The following RASL10B variants were observed in gnomAD, a reference collection of about 807,000 sequenced individuals.
The protein encoded by RASL10B is RAS like family 10 member B, also known as ras-like protein family member 10B.
In RASL10B, 10 loss-of-function variants were observed where a neutral mutation model predicts 20.7. That is an observed-to-expected ratio of 0.48 (90% CI 0.30 to 0.82). RASL10B has a LOEUF of 0.82. RASL10B is among the 40% of genes least tolerant of loss of function. The pLI, the probability that RASL10B is intolerant of heterozygous loss-of-function variation, is 0.07. For missense variants in RASL10B, 231 were observed against 295.4 expected (o/e 0.78, Z 1.60); for synonymous variants, 110 against 123.3 (o/e 0.89, Z 0.72).
At chr17:35,736,414 C>G (rs953764121) in intron 2 of RASL10B, among the ~76,000 whole-genome samples, 15 of 152,234 alleles carry the variant, frequency 9.9e-5, no homozygotes, top group African/African-American at 3.6e-4. Flanking sequence ...CAGCTCAGCA[C>G]TCAGCACTCT....
In RASL10B at chr17:35,735,283, C is replaced by A; in HGVS notation, c.99C>A (p.Cys33Ter). 6.2e-7 allele frequency: 1 copy of A among 1,613,860 alleles called. No individual in the cohort carries two copies. Among genetic ancestry groups the A allele is most frequent in the Non-Finnish European group, 8.5e-7 (1 of 1,180,034 alleles). Residue 33 changes from cysteine to a stop codon, truncating the protein, a stop_gained, in exon 2 of 4, where the codon TGC becomes TGA. Transcript: ENST00000603017. LOFTEE classifies it high-confidence loss of function. The surrounding 1 kb of genome is among the most constrained non-coding windows in gnomAD (Gnocchi z 6.7). ...QFLYNEFSEV[C>*]VPTTARRLYL... ...TGTACAACGAGTTCAGCGAGGTCTG[C>A]GTCCCCACCACCGCCCGCCGCCTTT... is the stretch of plus-strand genomic sequence containing the variant.
At chr17:35,737,388 T>C (rs1249120464) in intron 2 of RASL10B, among the ~76,000 whole-genome samples, 1 of 152,168 alleles carries the variant, frequency 6.6e-6, no homozygotes, top group Non-Finnish European at 1.5e-5. Flanking sequence ...TCATTCTTTT[T>C]TCATGGCCAC....
At chr17:35,738,019 G>C (rs146768282) in intron 2 of RASL10B, among the ~76,000 whole-genome samples, 1 of 151,968 alleles carries the variant, frequency 6.6e-6, no homozygotes, top group Non-Finnish European at 1.5e-5. Context: ...ATGAGAGCCC[G>C]TTTTCCTACA....
In RASL10B at chr17:35,741,521, C is replaced by A; in HGVS notation, c.*216C>A. The A allele has an allele frequency of 1.5e-6, 1 of 661,348 alleles. No individual in the cohort carries two copies. The highest frequency in any genetic ancestry group is 2.3e-6 in the Non-Finnish European group (1 of 439,142). 41.0% of individuals were successfully genotyped at this position (661,348 alleles called of 1,614,324 possible). On this transcript the variant is annotated 3_prime_UTR_variant, in exon 4 of 4. Coordinates refer to ENST00000603017, the MANE Select transcript of RASL10B (RefSeq NM_033315.4). ...TTGCCCCCGTGGCTTCCTGGGACAG[C>A]CGCCTTCAGTGCTGTATTTAGTGCA...
chr17:35,740,653 C>A, intron 3 of RASL10B, 120 bp downstream of exon 3: 1 of 1,192,012 alleles, frequency 8.4e-7, no homozygotes, highest in Non-Finnish European at 1.2e-6. Context: ...AAGATTTCCA[C>A]ACATACACTC....
chr17:35,741,739 C>T lies in RASL10B; in HGVS notation c.*434C>T, dbSNP rs2085630811. 5.9e-6 allele frequency: 1 copy of T among 168,878 alleles called. No homozygotes were observed. The highest frequency in any genetic ancestry group is 6.4e-5 in the Admixed American group (1 of 15,656). The allele number at this position is 168,878 out of a possible 1,614,324, so 10.5% of individuals were successfully genotyped here. Reference sequence around the variant, plus strand: ...CGTCTGTTGGTACTTACCTGTCTCACCTACCCTCCAGTCCCCTCCCAGCTC... The same window carrying T: ...CGTCTGTTGGTACTTACCTGTCTCATCTACCCTCCAGTCCCCTCCCAGCTC... On this transcript the variant is annotated 3_prime_UTR_variant, in exon 4 of 4. Transcript: ENST00000603017.
At position 35,741,633 on chromosome 17, in the gene RASL10B, T is replaced by C; in HGVS notation, c.*328T>C. The C allele has an allele frequency of 3.1e-6, 1 of 326,896 alleles. No homozygotes were observed. Among genetic ancestry groups the C allele is most frequent in the Non-Finnish European group, 5.5e-6 (1 of 180,678 alleles). The allele number at this position is 326,896 out of a possible 1,614,324, so 20.2% of individuals were successfully genotyped here. On this transcript the variant is annotated 3_prime_UTR_variant, in exon 4 of 4. Coordinates refer to ENST00000603017, the MANE Select transcript of RASL10B (RefSeq NM_033315.4). ...AGGCTGGGGGTGGCGAGGTGCCGCC[T>C]TGGCCGGGCCCCCACGTGTCTTCTC...
At chr17:35,737,733 C>T (rs1193899763) in intron 2 of RASL10B, among the ~76,000 whole-genome samples, 3 of 151,920 alleles carry the variant, frequency 2.0e-5, no homozygotes, top group African/African-American at 4.8e-5. Flanking sequence ...AAAACTCCGT[C>T]TCTACCAAAA....
At position 35,742,490 on chromosome 17, in the gene RASL10B, C is replaced by T. The variant is rs960742292; in HGVS notation, c.*1185C>T. 1 of 152,728 alleles carries T rather than the reference C, an allele frequency of 6.5e-6. No homozygotes were observed. The highest frequency in any genetic ancestry group is 1.5e-5 in the Non-Finnish European group (1 of 68,110). 9.5% of individuals were successfully genotyped at this position (152,728 alleles called of 1,614,324 possible). A position where few individuals can be genotyped will look rare whatever the true frequency, so the allele number is the denominator to read the frequency against. ...GATCTGACACCCTCTTGTCCCAACA[C>T]CAGTCAGCCCTATACCCTAACTCAC... On this transcript the variant is annotated 3_prime_UTR_variant, in exon 4 of 4. Transcript: ENST00000603017.
chr17:35,733,988 T>C (rs1204664821), intron 1 of RASL10B, among the ~76,000 whole-genome samples: 4 of 152,232 alleles, frequency 2.6e-5, no homozygotes, highest in African/African-American at 9.6e-5. Flanking sequence ...CCTATATGCA[T>C]TCACTGGTTA....
chr17:35,736,536 T>C (rs1472613334), intron 2 of RASL10B, among the ~76,000 whole-genome samples: 5 of 152,204 alleles, frequency 3.3e-5, no homozygotes, highest in African/African-American at 1.2e-4. Context: ...GCATCTGCCC[T>C]GGAAGCAGTG....
chr17:35,735,316 T>C lies in RASL10B; in HGVS notation c.132T>C (p.Pro44=). Residue 44 remains proline (P), a synonymous_variant, in exon 2 of 4, where the codon CCT becomes CCC. Coordinates refer to ENST00000603017, the MANE Select transcript of RASL10B (RefSeq NM_033315.4). The surrounding 1 kb of genome is among the most constrained non-coding windows in gnomAD (Gnocchi z 6.7). ...CCACCGCCCGCCGCCTTTACCTGCC[T>C]GCTGTCGTCATGAACGGCCACGTGC... is the stretch of plus-strand genomic sequence containing the variant. ...VPTTARRLYL[P]AVVMNGHVHD... The C allele has an allele frequency of 6.2e-7, 1 of 1,614,172 alleles. No individual in the cohort carries two copies. Among genetic ancestry groups the C allele is most frequent in the South Asian group, 1.1e-5 (1 of 91,084 alleles).
rs1022967906 is a variant in RASL10B at position 35,735,956 on chromosome 17, G to A, written c.216+556G>A. 6.6e-6 allele frequency among the ~76,000 whole-genome samples: 1 copy of A among 152,332 alleles called. No homozygotes were observed. Among genetic ancestry groups the A allele is most frequent in the South Asian group, 2.1e-4 (1 of 4,826 alleles). ...CTCCACATCCTCTGGAGAAGGGACA[G>A]CAGCAGAACAGACGGGGCCCTGGGA... On this transcript the variant is annotated intron_variant, in intron 2 of 3. Transcript: ENST00000603017. This position sits in a 1 kb window ranked among gnomAD's most constrained non-coding sequence, Gnocchi z 6.7.
At position 35,735,067 on chromosome 17, in the gene RASL10B, C is replaced by A; in HGVS notation, c.-118C>A. 2 of 1,056,706 alleles carry A rather than the reference C, an allele frequency of 1.9e-6. No individual in the cohort carries two copies. The highest frequency in any genetic ancestry group is 2.8e-6 in the Non-Finnish European group (2 of 706,728). 65.5% of individuals were successfully genotyped at this position (1,056,706 alleles called of 1,614,324 possible). On this transcript the variant is annotated 5_prime_UTR_variant, in exon 2 of 4. Coordinates refer to ENST00000603017, the MANE Select transcript of RASL10B (RefSeq NM_033315.4). This position sits in a 1 kb window ranked among gnomAD's most constrained non-coding sequence, Gnocchi z 6.7. The stretch of plus-strand genomic sequence containing the variant: ...GGTGGAGGCCGCAGAGGGCCCAGGG[C>A]AAGCAGAGGCAGCAATGGTTGGTCC...
chr17:35,741,504 G>T lies in RASL10B; in HGVS notation c.*199G>T. ...CTGCCCAGCCCTGCCCCTTGCCCCC[G>T]TGGCTTCCTGGGACAGCCGCCTTCA... is the stretch of plus-strand genomic sequence containing the variant. On this transcript the variant is annotated 3_prime_UTR_variant, in exon 4 of 4. Transcript: ENST00000603017. 1 of 818,656 alleles carries T rather than the reference G, an allele frequency of 1.2e-6. No homozygotes were observed. The highest frequency in any genetic ancestry group is 1.7e-6 in the Non-Finnish European group (1 of 581,788). 50.7% of individuals were successfully genotyped at this position (818,656 alleles called of 1,614,324 possible).
intron 1 of RASL10B, among the ~76,000 whole-genome samples, chr17:35,733,787 C>T (rs1598387843): frequency 6.6e-6 from 1 of 152,340 alleles, no homozygotes; most frequent in South Asian, 2.1e-4. Context: ...CTGTTGACCT[C>T]ATTTTACCTA....
chr17:35,734,470 G>A (rs934019015), intron 1 of RASL10B, among the ~76,000 whole-genome samples: 3 of 152,172 alleles, frequency 2.0e-5, no homozygotes, highest in Non-Finnish European at 2.9e-5. Flanking sequence ...CAGAGGCGAC[G>A]TGGTCATCTA....
chr17:35,738,777 G>T (rs1297044124), intron 2 of RASL10B, among the ~76,000 whole-genome samples: 1 of 152,092 alleles, frequency 6.6e-6, no homozygotes, highest in African/African-American at 2.4e-5. Context: ...AGGAAGCCAG[G>T]AGTTCCCCTC....
In RASL10B at chr17:35,731,699, C is replaced by G. The variant is rs895597865; in HGVS notation, c.-327C>G. On this transcript the variant is annotated 5_prime_UTR_variant, in exon 1 of 4. Coordinates refer to ENST00000603017, the MANE Select transcript of RASL10B (RefSeq NM_033315.4). ...GAGCTGGGGCTGGAGGTTCCTACCCCCTCGGCGGCCCGCATCTGCCCCCGC... is the reference window on the plus strand; with the variant it reads ...GAGCTGGGGCTGGAGGTTCCTACCCGCTCGGCGGCCCGCATCTGCCCCCGC... The G allele has an allele frequency of 2.6e-5, 4 of 152,160 alleles. No individual in the cohort carries two copies. Among genetic ancestry groups the G allele is most frequent in the South Asian group, 2.1e-4 (1 of 4,838 alleles). 9.4% of individuals were successfully genotyped at this position (152,160 alleles called of 1,614,324 possible). A position where few individuals can be genotyped will look rare whatever the true frequency, so the allele number is the denominator to read the frequency against.
Sources: allele counts gnomAD v4.1 joint callset (sites outside exome capture counted in the v4.1 genomes callset), GRCh38; gene constraint gnomAD v4.1.1; non-coding constraint Gnocchi (gnomAD v3.1); transcripts MANE v1.5; gene names NCBI Gene and HGNC (gene_info 2026-07-23, HGNC 2026-07-21).